KIAA0825: variants seen among roughly 807,000 people sequenced by gnomAD.
KIAA0825 encodes the protein KIAA0825.
In KIAA0825, 119 loss-of-function variants were observed where a neutral mutation model predicts 147.6. The observed-to-expected ratio is 0.81, with a 90% CI of 0.69 to 0.94. The LOEUF is 0.94. Ranked by LOEUF, KIAA0825 falls within the 40% of genes least tolerant of loss-of-function variation. KIAA0825 has a pLI of 0.00. For synonymous variants in KIAA0825, 470 were observed against 518.1 expected (o/e 0.91, Z 1.26); for missense variants, 1,381 against 1,472.7 (o/e 0.94, Z 1.02).
intron 20 of KIAA0825, among the ~76,000 whole-genome samples, chr5:94,190,824 T>C (rs971810040): frequency 6.6e-6 from 1 of 152,114 alleles, no homozygotes; most frequent in Non-Finnish European, 1.5e-5. Context: ...GAACATTTAA[T>C]GATAATAGTA....
At position 94,513,231 on chromosome 5, in the gene KIAA0825, G is replaced by C. The variant is rs889906084; in HGVS notation, c.970+7017C>G. On this transcript the variant is annotated intron_variant, in intron 5 of 20. Coordinates refer to ENST00000682413, the MANE Select transcript of KIAA0825 (RefSeq NM_001145678.3). ...TTTATTTTTCTAAGTCAAAAAATGA[G>C]GCTTTTTAAAACCTCAGCATTTTAA... 2.0e-5 allele frequency among the ~76,000 whole-genome samples: 3 copies of C among 152,064 alleles called. No homozygotes were observed. The South Asian group carries it at 6.2e-4, about 32-fold the overall frequency.
intron 20 of KIAA0825, among the ~76,000 whole-genome samples, chr5:94,159,767 T>C (rs890122583): frequency 6.6e-6 from 1 of 152,154 alleles, no homozygotes; most frequent in African/African-American, 2.4e-5. Context: ...ACTGTAATAA[T>C]GGCATTTGAT....
intron 5 of KIAA0825, among the ~76,000 whole-genome samples, chr5:94,500,835 T>G (rs1167417155): frequency 5.3e-5 from 8 of 152,222 alleles, no homozygotes; most frequent in Admixed American, 2.6e-4. Context: ...TGTAGTGCAA[T>G]GGCTCGATCT....
intron 20 of KIAA0825, among the ~76,000 whole-genome samples, chr5:94,236,563 G>T (rs1284960253): frequency 6.6e-6 from 1 of 152,212 alleles, no homozygotes; most frequent in Non-Finnish European, 1.5e-5. Flanking sequence ...CAGTGGCAGG[G>T]TTTGAGAGGA....
At chr5:94,368,633 G>A (rs116425723) in intron 20 of KIAA0825, among the ~76,000 whole-genome samples, 1 of 152,146 alleles carries the variant, frequency 6.6e-6, no homozygotes, top group Non-Finnish European at 1.5e-5. Flanking sequence ...AGGCATATGG[G>A]AACAAAAAGA....
In KIAA0825 at chr5:94,380,750, G is replaced by A. The variant is rs199683244; in HGVS notation, c.3710+3618C>T. ...GAACTGCAAGCACCAAGACGCTGAA[G>A]TGGGAAAGCGTTTAGAGAATCCAAA... On this transcript the variant is annotated intron_variant, in intron 20 of 20. Transcript: ENST00000682413. 5.9e-5 allele frequency among the ~76,000 whole-genome samples: 9 copies of A among 152,364 alleles called. No individual in the cohort carries two copies. In the East Asian group the frequency reaches 1.2e-3, roughly 20 times the overall value.
At chr5:94,492,106 C>G (rs775815997) in intron 5 of KIAA0825, among the ~76,000 whole-genome samples, 6 of 152,154 alleles carry the variant, frequency 3.9e-5, no homozygotes, top group Non-Finnish European at 7.3e-5. Context: ...CTCCTCCTCT[C>G]TCTGTCTTTC....
chr5:94,305,995 T>G (rs1249857043), intron 20 of KIAA0825, among the ~76,000 whole-genome samples: 1 of 151,888 alleles, frequency 6.6e-6, no homozygotes, highest in Non-Finnish European at 1.5e-5. Context: ...AATATGTACA[T>G]TATTATCTCT....
chr5:94,215,046 A>G (rs1370282374), intron 20 of KIAA0825, among the ~76,000 whole-genome samples: 2 of 152,194 alleles, frequency 1.3e-5, no homozygotes, highest in African/African-American at 4.8e-5. Context: ...AAGTTTTTTT[A>G]AAGACAAGAG....
chr5:94,268,063 T>G (rs905661622), intron 20 of KIAA0825, among the ~76,000 whole-genome samples: 2 of 151,988 alleles, frequency 1.3e-5, no homozygotes, highest in Admixed American at 1.3e-4. Flanking sequence ...TCAATAAACA[T>G]GTGTTGGACT....
chr5:94,531,046 A>T lies in KIAA0825; in HGVS notation c.131+5950T>A, dbSNP rs1770696442. On this transcript the variant is annotated intron_variant, in intron 3 of 20. Coordinates refer to ENST00000682413, the MANE Select transcript of KIAA0825 (RefSeq NM_001145678.3). The stretch of plus-strand genomic sequence containing the variant: ...ATAATATCATTTAGGAATATCCCCA[A>T]ACAACAATTCTCTATTGTCTTATGC... 2.0e-5 allele frequency among the ~76,000 whole-genome samples: 3 copies of T among 152,274 alleles called. No individual in the cohort carries two copies. In the East Asian group the frequency reaches 5.8e-4, roughly 29 times the overall value.
intron 3 of KIAA0825, among the ~76,000 whole-genome samples, chr5:94,534,656 C>A (rs1252499245): frequency 6.6e-6 from 1 of 151,990 alleles, no homozygotes; most frequent in Non-Finnish European, 1.5e-5. Flanking sequence ...ATGCAAAATA[C>A]AATGTTTTAA....
intron 2 of KIAA0825, among the ~76,000 whole-genome samples, chr5:94,556,882 C>G (rs1374297019): frequency 6.6e-6 from 1 of 152,210 alleles, no homozygotes; most frequent in Non-Finnish European, 1.5e-5. Flanking sequence ...GAACCTTACA[C>G]TGAAATTGAC....
chr5:94,201,141 C>T (rs886657619), intron 20 of KIAA0825, among the ~76,000 whole-genome samples: 10 of 150,184 alleles, frequency 6.7e-5, no homozygotes, highest in Admixed American at 2.7e-4. Flanking sequence ...GGAACAGGTG[C>T]TTGAGACTCT....
chr5:94,373,775 T>C (rs1347982373), intron 20 of KIAA0825, among the ~76,000 whole-genome samples: 1 of 152,194 alleles, frequency 6.6e-6, no homozygotes, highest in Non-Finnish European at 1.5e-5. Flanking sequence ...TGAAGAATAT[T>C]ACTAGTTGTC....
chr5:94,494,314 C>CTTTTTTT (rs530332272), intron 5 of KIAA0825, among the ~76,000 whole-genome samples: 51 of 111,856 alleles, frequency 4.6e-4, no homozygotes, highest in African/African-American at 1.4e-3. Context: ...ATATTCAATC[C>CTTTTTTT]TTTTTTTTTT....
intron 20 of KIAA0825, among the ~76,000 whole-genome samples, chr5:94,363,174 C>CTT (rs70978103): frequency 8.9e-5 from 12 of 135,140 alleles, no homozygotes; most frequent in Non-Finnish European, 1.6e-4. Flanking sequence ...AACCAGTTTT[C>CTT]TTTTTTTTTT....
At chr5:94,588,768 T>A (rs953402199) in intron 1 of KIAA0825, among the ~76,000 whole-genome samples, 3 of 152,126 alleles carry the variant, frequency 2.0e-5, no homozygotes, top group African/African-American at 7.2e-5. Flanking sequence ...ATTCACAATA[T>A]CACAGACTTG....
intron 20 of KIAA0825, among the ~76,000 whole-genome samples, chr5:94,231,760 C>G (rs542099036): frequency 6.6e-6 from 1 of 152,184 alleles, no homozygotes; most frequent in South Asian, 2.1e-4. Flanking sequence ...ATATTAGAGA[C>G]TGAGTAAATG....
Sources: allele counts gnomAD v4.1 joint callset (sites outside exome capture counted in the v4.1 genomes callset), GRCh38; gene constraint gnomAD v4.1.1; transcripts MANE v1.5; gene names NCBI Gene and HGNC (gene_info 2026-07-23, HGNC 2026-07-21).